APOBEC3A: variants seen among roughly 807,000 people sequenced by gnomAD.
The protein encoded by APOBEC3A is apolipoprotein B mRNA editing enzyme catalytic subunit 3A.
In APOBEC3A, 13 loss-of-function variants were observed where a neutral mutation model predicts 23.0. The observed-to-expected ratio is 0.57, with a 90% CI of 0.37 to 0.90. APOBEC3A has a LOEUF of 0.90. Among genes scored for constraint, APOBEC3A ranks in the 40% least tolerant of loss-of-function variants. APOBEC3A has a pLI of 0.01. For synonymous variants in APOBEC3A, 74 were observed against 101.3 expected (o/e 0.73, Z 1.62); for missense variants, 179 against 264.9 (o/e 0.68, Z 2.25).
chr22:38,959,955 T>C (rs1922802798), intron 2 of APOBEC3A, among the ~76,000 whole-genome samples: 2 of 152,124 alleles, frequency 1.3e-5, no homozygotes, highest in African/African-American at 2.4e-5. Flanking sequence ...CCAGGAACAA[T>C]TCAGCAATGT....
chr22:38,958,242 ATGG>A (rs1275842641), intron 1 of APOBEC3A, among the ~76,000 whole-genome samples: 1 of 152,148 alleles, frequency 6.6e-6, no homozygotes, highest in African/African-American at 2.4e-5. Context: ...TCTACTCGAA[ATGG>A]TGGGGAACAT....
chr22:38,957,674 C>G lies in APOBEC3A; in HGVS notation c.-18C>G. The stretch of plus-strand genomic sequence containing the variant: ...AGAGCGGGAGGACACAGACCAGGAA[C>G]CGAGAAGGGACAAGCACATGGAAGC... On this transcript the variant is annotated 5_prime_UTR_variant, in exon 1 of 5. Coordinates refer to ENST00000249116, the MANE Select transcript of APOBEC3A (RefSeq NM_145699.4). 6.2e-7 allele frequency: 1 copy of G among 1,612,310 alleles called. No individual in the cohort carries two copies. Among genetic ancestry groups the G allele is most frequent in the Non-Finnish European group, 8.5e-7 (1 of 1,179,092 alleles).
At chr22:38,960,754 A>C (rs1267223166) in intron 2 of APOBEC3A, among the ~76,000 whole-genome samples, 2 of 152,154 alleles carry the variant, frequency 1.3e-5, no homozygotes, top group Non-Finnish European at 2.9e-5. Context: ...ACAGAATAGA[A>C]GCTTCTAGAA....
chr22:38,958,697 TTC>T (rs1279126611), intron 1 of APOBEC3A, among the ~76,000 whole-genome samples: 3 of 150,720 alleles, frequency 2.0e-5, no homozygotes, highest in Non-Finnish European at 4.4e-5. Context: ...TCTTTTTTCT[TTC>T]TTTCTTTCCT....
intron 4 of APOBEC3A, 116 bp downstream of exon 4, chr22:38,962,329 G>A: frequency 6.3e-7 from 1 of 1,577,672 alleles, no homozygotes; most frequent in Non-Finnish European, 8.6e-7. Flanking sequence ...CTCCCCACAG[G>A]GCGCCCAGCT....
intron 1 of APOBEC3A, among the ~76,000 whole-genome samples, chr22:38,958,566 C>T (rs868300162): frequency 7.1e-6 from 1 of 141,218 alleles, no homozygotes; most frequent in Non-Finnish European, 1.5e-5. Context: ...TCCTCTCTTT[C>T]TTCTTTCCTT....
At chr22:38,961,298 TG>T in intron 2 of APOBEC3A, 88 bp from the exon 3 acceptor site, 1 of 904,182 alleles carries the variant, frequency 1.1e-6, no homozygotes. Context: ...AATTTCGTGC[TG>T]GAGGCCCCCG....
chr22:38,959,931 A>G (rs1203129896), intron 2 of APOBEC3A, among the ~76,000 whole-genome samples: 2 of 152,160 alleles, frequency 1.3e-5, no homozygotes, highest in African/African-American at 4.8e-5. Context: ...ATCCCCTCAC[A>G]GACACAGCTC....
chr22:38,957,732 C>G lies in APOBEC3A; in HGVS notation c.29+12C>G. On this transcript the variant is annotated intron_variant, in intron 1 of 4. Coordinates refer to ENST00000249116, the MANE Select transcript of APOBEC3A (RefSeq NM_145699.4). ...GCATCCGGGCCCAGGTATGGGAAGC[C>G]CCTCCGAGCACCTCTGCGCCTCAGC... 1 of 1,611,176 alleles carries G rather than the reference C, an allele frequency of 6.2e-7. No homozygotes were observed.
Position 38,959,778 on chromosome 22 carries a change from T to C in APOBEC3A, c.174+92T>C, listed in dbSNP as rs1446173620. ...GTTCCGGATTGTACTTGTGGTTTCCTGCAGTGTTTGTCACTTGTGCTTCCT... is the reference window on the plus strand; with the variant it reads ...GTTCCGGATTGTACTTGTGGTTTCCCGCAGTGTTTGTCACTTGTGCTTCCT... On this transcript the variant is annotated intron_variant, in intron 2 of 4. Transcript: ENST00000249116. The C allele has an allele frequency of 2.0e-6, 3 of 1,498,182 alleles. No individual in the cohort carries two copies. The African/African-American group carries it at 4.2e-5, about 21-fold the overall frequency. 92.8% of individuals were successfully genotyped at this position (1,498,182 alleles called of 1,614,324 possible). A position where few individuals can be genotyped will look rare whatever the true frequency, so the allele number is the denominator to read the frequency against.
At chr22:38,957,748 GC>G in intron 1 of APOBEC3A, 28 bp downstream of exon 1, 1 of 1,607,600 alleles carries the variant, frequency 6.2e-7, no homozygotes, top group Non-Finnish European at 8.5e-7. Context: ...GAGCACCTCT[GC>G]GCCTCAGCCT....
In APOBEC3A at chr22:38,959,680, C is replaced by T; in HGVS notation, c.168C>T (p.His56=). ...VKMDQHRGFL[H]NQAKNLLCGF... is the part of the protein sequence containing the mutation. ...TGGACCAGCACAGGGGCTTTCTACA[C>T]AACCAGGTGACCGACCCAGCCATCC... Residue 56 remains histidine (H), a synonymous_variant, in exon 2 of 5, where the codon CAC becomes CAT. Transcript: ENST00000249116. 6.2e-7 allele frequency: 1 copy of T among 1,613,250 alleles called. No individual in the cohort carries two copies.
rs757872889 is a variant in APOBEC3A at position 38,959,613 on chromosome 22, G to A, written c.101G>A (p.Cys34Tyr). The part of the protein sequence containing the change: ...NGIGRHKTYL[C>Y]YEVERLDNGT... ...ATTGGAAGGCATAAGACCTACCTGT[G>A]CTACGAAGTGGAGCGCCTGGACAAT... The change falls in exon 2 of 5, where the codon TGC becomes TAC. Residue 34 changes from cysteine to tyrosine, a missense_variant. By Grantham distance (194) the Cys-to-Tyr change is radical (BLOSUM62 -2). Around this residue, in one of 5 missense-constraint regions of APOBEC3A, gnomAD observed 87 missense variants for 74.5 expected, o/e 1.17. Transcript: ENST00000249116. 6.2e-7 allele frequency: 1 copy of A among 1,614,124 alleles called. No individual in the cohort carries two copies. The highest frequency in any genetic ancestry group is 1.7e-5 in the Admixed American group (1 of 60,014).
intron 4 of APOBEC3A, 61 bp from the exon 5 acceptor site, chr22:38,962,434 T>A (rs1271820613): frequency 1.9e-6 from 3 of 1,582,754 alleles, no homozygotes; most frequent in Non-Finnish European, 2.6e-6. Flanking sequence ...CCAGGCCACC[T>A]CCCTGTGCCC....
intron 4 of APOBEC3A, 39 bp from the exon 5 acceptor site, chr22:38,962,456 T>C (rs759832687): frequency 1.3e-6 from 2 of 1,595,198 alleles, no homozygotes; most frequent in South Asian, 2.2e-5. Context: ...CTTTCCACTC[T>C]CTCACCTCCT....
chr22:38,957,868 A>T, intron 1 of APOBEC3A, 148 bp downstream of exon 1: 1 of 1,060,736 alleles, frequency 9.4e-7, no homozygotes, highest in Non-Finnish European at 1.4e-6. Flanking sequence ...CTAGGTTCCC[A>T]GTTTTGGTCC....
At chr22:38,957,743 C>G in intron 1 of APOBEC3A, 23 bp downstream of exon 1, 1 of 1,608,668 alleles carries the variant, frequency 6.2e-7, no homozygotes, top group Non-Finnish European at 8.5e-7. Flanking sequence ...CCTCCGAGCA[C>G]CTCTGCGCCT....
intron 1 of APOBEC3A, among the ~76,000 whole-genome samples, chr22:38,958,831 T>A (rs1241892074): frequency 2.0e-5 from 3 of 149,190 alleles, no homozygotes; most frequent in African/African-American, 7.6e-5. Flanking sequence ...CTTTCTTTCT[T>A]TCTTTCCTTC....
At chr22:38,958,818 CTTCT>C (rs1190575224) in intron 1 of APOBEC3A, among the ~76,000 whole-genome samples, 44 of 111,900 alleles carry the variant, frequency 3.9e-4, no homozygotes, top group South Asian at 1.4e-3. Context: ...TTTCTCTTTC[CTTCT>C]TTCTTTCTTT....
Sources: allele counts gnomAD v4.1 joint callset (sites outside exome capture counted in the v4.1 genomes callset), GRCh38; gene constraint gnomAD v4.1.1; regional missense constraint gnomAD v4.1.1; transcripts MANE v1.5; gene names NCBI Gene and HGNC (gene_info 2026-07-23, HGNC 2026-07-21).